Variants in PRDM16 observed in about 807,000 individuals in gnomAD.
The protein encoded by PRDM16 is histone-lysine N-methyltransferase PRDM16.
A neutral mutation model predicts 110.6 loss-of-function variants in PRDM16; 23 were observed. The ratio of observed to expected loss-of-function variants is 0.21; its 90% CI spans 0.15 to 0.29. The LOEUF (loss-of-function observed/expected upper bound fraction) is 0.29, where lower values mean the gene tolerates loss of function less well. Ranked by LOEUF, PRDM16 falls within the 10% of genes least tolerant of loss-of-function variation. The probability of loss-of-function intolerance (pLI) is 1.00; values close to 1 mark genes in which losing one functional copy is unlikely to be tolerated. For synonymous variants in PRDM16, 799 were observed against 781.8 expected, an observed-to-expected ratio of 1.02 and a Z score of -0.37; for missense variants, 1,615 against 1,794.3, an observed-to-expected ratio of 0.90 and a Z score of 1.81.
chr1:3,363,794 AAAG>A (rs999104809), intron 3 of PRDM16, among the ~76,000 whole-genome samples: 60 of 152,234 alleles, frequency 3.9e-4, no homozygotes, highest in African/African-American at 1.3e-3. Context: ...AAATCCTTTC[AAAG>A]AAGGAGAAGG....
chr1:3,084,885 G>C (rs1169173134), intron 1 of PRDM16, among the ~76,000 whole-genome samples: 1 of 152,216 alleles, frequency 6.6e-6, no homozygotes, highest in Non-Finnish European at 1.5e-5. Context: ...CACACCTGGG[G>C]CTGGAGTTGC....
chr1:3,111,098 G>T (rs564348763), intron 1 of PRDM16, among the ~76,000 whole-genome samples: 1 of 152,148 alleles, frequency 6.6e-6, no homozygotes, highest in Non-Finnish European at 1.5e-5. Context: ...GAGGCTCCAC[G>T]CTGGCTCACG....
In PRDM16 at chr1:3,433,749, T is replaced by C; in HGVS notation, c.3769T>C (p.Trp1257Arg). The C allele has an allele frequency of 6.2e-7, 1 of 1,613,988 alleles. No individual in the cohort carries two copies. The highest frequency in any genetic ancestry group is 2.2e-5 in the East Asian group (1 of 44,876). Residue 1257 changes from tryptophan (W) to arginine (R), a missense_variant, in exon 17 of 17, where the codon TGG (tryptophan) becomes CGG (arginine). Around this residue, in one of 5 missense-constraint regions of PRDM16, gnomAD observed 327 missense variants for 359.3 expected, o/e 0.91. Transcript: ENST00000270722. ...CCCCTCCCAGGGTTCTCTGGACGCT[T>C]GGTTGAAGGTCACTGGAGCCACGTC... ...HTPSQGSLDA[W>R]LKVTGATSES... is the part of the protein sequence containing the mutation.
chr1:3,327,089 C>G (rs372016932), intron 3 of PRDM16, among the ~76,000 whole-genome samples: 229 of 152,376 alleles, frequency 1.5e-3, no homozygotes, highest in African/African-American at 5.3e-3. Context: ...GAGGAGGCCC[C>G]AGGCTCTTCA....
chr1:3,408,792 G>C (rs1474732240), intron 8 of PRDM16, among the ~76,000 whole-genome samples: 21 of 113,788 alleles, frequency 1.8e-4, no homozygotes, highest in Middle Eastern at 4.3e-3. Context: ...GCGTGAGCCG[G>C]TGCGTGTGTG....
chr1:3,296,645 G>A (rs1426670541), intron 3 of PRDM16, among the ~76,000 whole-genome samples: 1 of 152,276 alleles, frequency 6.6e-6, no homozygotes, highest in Non-Finnish European at 1.5e-5. Context: ...GCACATGCCA[G>A]AGGTTGCCAT....
In PRDM16 at chr1:3,131,124, G is replaced by A. The variant is rs191912033; in HGVS notation, c.38-55001G>A. The stretch of plus-strand genomic sequence containing the variant: ...CCCTTGGCTTCCTCCGAGCTGTGCC[G>A]CAGCCACAGTTTTTGGTTGTTTTCG... On this transcript the variant is annotated intron_variant, in intron 1 of 16. Coordinates refer to ENST00000270722, the MANE Select transcript of PRDM16 (RefSeq NM_022114.4). Among the ~76,000 whole-genome samples the A allele has an allele frequency of 2.6e-3, 394 of 152,238 alleles. 1 individual carries two copies. Among genetic ancestry groups the A allele is most frequent in the Non-Finnish European group, 4.5e-3 (307 of 68,036 alleles).
At chr1:3,112,885 G>A (rs1454980283) in intron 1 of PRDM16, among the ~76,000 whole-genome samples, 2 of 152,264 alleles carry the variant, frequency 1.3e-5, no homozygotes, top group African/African-American at 4.8e-5. Flanking sequence ...TGTGGAACGG[G>A]GTCCCGGGCC....
chr1:3,079,640 G>A (rs1034063637), intron 1 of PRDM16, among the ~76,000 whole-genome samples: 24 of 152,338 alleles, frequency 1.6e-4, no homozygotes, highest in African/African-American at 5.5e-4. Context: ...AACCCGATGC[G>A]TTTCTGAACT....
rs1392462270 is a variant in PRDM16 at position 3,190,199 on chromosome 1, GTTACTTCAAGGTCGTGGGGCAGCC to G, written c.387+3804_387+3827del. Among the ~76,000 whole-genome samples, 510 of 144,960 alleles carry G rather than the reference GTTACTTCAAGGTCGTGGGGCAGCC, an allele frequency of 3.5e-3. 36 individuals carry two copies. The highest frequency in any genetic ancestry group is 8.4e-3 in the African/African-American group (321 of 38,068). The stretch of plus-strand genomic sequence containing the variant: ...CCTTACTTCAAGGTCGTGGGGCAGC[GTTACTTCAAGGTCGTGGGGCAGCC>G]TTACTTCAAGGTCGTGGGGCAGCCT... On this transcript the variant is annotated intron_variant, in intron 2 of 16. Transcript: ENST00000270722. The surrounding 1 kb of genome is among the most constrained non-coding windows in gnomAD (Gnocchi z 5.0).
At chr1:3,419,221 G>A (rs973366411) in intron 12 of PRDM16, among the ~76,000 whole-genome samples, 3 of 152,178 alleles carry the variant, frequency 2.0e-5, no homozygotes, top group African/African-American at 7.2e-5. Flanking sequence ...GCAAATGCGG[G>A]TCCCCACCCC....
At chr1:3,332,837 G>C (rs1480367572) in intron 3 of PRDM16, among the ~76,000 whole-genome samples, 1 of 152,042 alleles carries the variant, frequency 6.6e-6, no homozygotes. Context: ...TCGGCCTCTG[G>C]ATTTGTCCTC....
At chr1:3,316,109 G>A (rs900353446) in intron 3 of PRDM16, among the ~76,000 whole-genome samples, 14 of 119,466 alleles carry the variant, frequency 1.2e-4, no homozygotes, top group Non-Finnish European at 2.3e-4. Flanking sequence ...CTTTTTAAAC[G>A]TTTCAGGCAG....
intron 1 of PRDM16, among the ~76,000 whole-genome samples, chr1:3,103,480 C>T (rs1003226201): frequency 1.1e-4 from 16 of 152,226 alleles, no homozygotes; most frequent in Admixed American, 1.0e-3. Flanking sequence ...GACCCAGTGC[C>T]CTTCCTCGAA....
chr1:3,287,589 GGGGCT>G lies in PRDM16; in HGVS notation c.438+43455_438+43459del, dbSNP rs1640883091. Among the ~76,000 whole-genome samples the G allele has an allele frequency of 1.0e-4, 3 of 30,044 alleles. 1 individual carries two copies. Among genetic ancestry groups the G allele is most frequent in the Admixed American group, 6.9e-4 (2 of 2,886 alleles). The allele number at this position is 30,044 out of a possible 152,430, so 19.7% of individuals were successfully genotyped here. ...GCGGGCATCCAGGATTGCATTTACCGGGGCTGGAGCTGCCCCTGCCATGCGGGCAT... is the reference window on the plus strand; with the variant it reads ...GCGGGCATCCAGGATTGCATTTACCGGGAGCTGCCCCTGCCATGCGGGCAT... On this transcript the variant is annotated intron_variant, in intron 3 of 16. Transcript: ENST00000270722.
chr1:3,422,539 C>T (rs1437696963), intron 12 of PRDM16, among the ~76,000 whole-genome samples: 1 of 152,250 alleles, frequency 6.6e-6, no homozygotes, highest in African/African-American at 2.4e-5. Flanking sequence ...TGTGTCCTTT[C>T]TCAGCAGTCA....
At chr1:3,376,839 C>T (rs768573553) in intron 3 of PRDM16, among the ~76,000 whole-genome samples, 1 of 151,592 alleles carries the variant, frequency 6.6e-6, no homozygotes, top group African/African-American at 2.4e-5. Flanking sequence ...CCTCCTGTGT[C>T]CCTGGCCGTG....
At chr1:3,186,720 T>C (rs1439043768) in intron 2 of PRDM16, 9 of 460,734 alleles carry the variant, frequency 2.0e-5, no homozygotes, top group Admixed American at 1.9e-4. Flanking sequence ...AAATGTGTCT[T>C]TCATGAGCTC....
intron 2 of PRDM16, among the ~76,000 whole-genome samples, chr1:3,219,707 G>A (rs1639109849): frequency 6.6e-6 from 1 of 152,172 alleles, no homozygotes; most frequent in Admixed American, 6.5e-5. Context: ...GCAGGAGCAA[G>A]GGCTGAACAT....
Sources: gnomAD v4.1 joint callset for allele counts (sites outside exome capture counted in the v4.1 genomes callset) on GRCh38, gnomAD v4.1.1 for gene constraint, gnomAD v4.1.1 regional missense constraint, Gnocchi (gnomAD v3.1) non-coding constraint, MANE v1.5 for transcripts, NCBI Gene and HGNC (gene_info 2026-07-23, HGNC 2026-07-21) for gene names.